Variants in CHD9 observed in about 807,000 individuals in gnomAD.
CHD9 encodes chromodomain helicase DNA binding protein 9.
In CHD9, 77 loss-of-function variants were observed where a neutral mutation model predicts 316.1. The observed-to-expected ratio is 0.24, with a 90% CI of 0.20 to 0.29. The LOEUF (loss-of-function observed/expected upper bound fraction) is 0.29. Among genes scored for constraint, CHD9 ranks in the 10% least tolerant of loss-of-function variants. The probability of loss-of-function intolerance (pLI) is 1.00; values close to 1 mark genes in which losing one functional copy is unlikely to be tolerated. For synonymous variants in CHD9, 1,129 were observed against 1,158.3 expected (o/e 0.97, Z 0.51); for missense variants, 2,763 against 3,438.1 (o/e 0.80, Z 4.91).
rs565950334 is a variant in CHD9 at position 53,205,930 on chromosome 16, C to A, written c.1453-3552C>A. Among the ~76,000 whole-genome samples the A allele has an allele frequency of 1.4e-4, 22 of 152,136 alleles. No homozygotes were observed. The South Asian group carries it at 4.6e-3, about 32-fold the overall frequency. On this transcript the variant is annotated intron_variant, in intron 2 of 38. Coordinates refer to ENST00000447540, the MANE Select transcript of CHD9 (RefSeq NM_001308319.2). ...TTATACACACATACACATTCTTTCT[C>A]AACTAGGTTTCCTATTTCTTTTACT...
chr16:53,297,199 G>A (rs376387402), intron 30 of CHD9, 41 bp downstream of exon 30: 4 of 1,470,146 alleles, frequency 2.7e-6, no homozygotes, highest in African/African-American at 2.8e-5. Flanking sequence ...GGTCAAAGAA[G>A]CAAAAATCAC....
intron 1 of CHD9, among the ~76,000 whole-genome samples, chr16:53,114,641 G>A (rs2038140850): frequency 6.6e-6 from 1 of 152,158 alleles, no homozygotes; most frequent in African/African-American, 2.4e-5. Context: ...AGGCTGGAGT[G>A]CAGTGGCGCA....
At chr16:53,281,974 A>T (rs1367343234) in intron 24 of CHD9, among the ~76,000 whole-genome samples, 1 of 152,158 alleles carries the variant, frequency 6.6e-6, no homozygotes, top group Non-Finnish European at 1.5e-5. Context: ...TTCTTTCATT[A>T]CAATTTAAGC....
chr16:53,290,384 C>T (rs2153050800), intron 27 of CHD9, among the ~76,000 whole-genome samples: 1 of 152,280 alleles, frequency 6.6e-6, no homozygotes, highest in South Asian at 2.1e-4. Context: ...TTTTCCTCTA[C>T]AGTGTCTCTC....
At chr16:53,128,841 G>A (rs1323340035) in intron 1 of CHD9, among the ~76,000 whole-genome samples, 1 of 152,088 alleles carries the variant, frequency 6.6e-6, no homozygotes, top group Non-Finnish European at 1.5e-5. Context: ...GAACCCCACA[G>A]AAAATCTTTC....
intron 3 of CHD9, 80 bp downstream of exon 3, chr16:53,209,893 T>A (rs2046190978): frequency 2.0e-6 from 2 of 1,008,464 alleles, no homozygotes; most frequent in Non-Finnish European, 1.4e-6. Flanking sequence ...ACTTTTGATT[T>A]GAGTATATTT....
intron 1 of CHD9, among the ~76,000 whole-genome samples, chr16:53,077,745 A>G (rs1170902493): frequency 2.6e-5 from 4 of 152,176 alleles, no homozygotes; most frequent in Non-Finnish European, 4.4e-5. Flanking sequence ...TTTTTGAGGT[A>G]AAACATTTGA....
At chr16:53,280,375 A>C (rs1402077141) in intron 24 of CHD9, among the ~76,000 whole-genome samples, 2 of 152,214 alleles carry the variant, frequency 1.3e-5, no homozygotes, top group African/African-American at 2.4e-5. Context: ...TGGCATTTGC[A>C]GCAACCTTGG....
intron 37 of CHD9, among the ~76,000 whole-genome samples, chr16:53,320,958 G>A (rs1017771105): frequency 1.3e-5 from 2 of 151,962 alleles, no homozygotes; most frequent in Non-Finnish European, 2.9e-5. Context: ...CAGTTTCTTC[G>A]TTTGAAAAAT....
chr16:53,320,960 T>C (rs982171219), intron 37 of CHD9, among the ~76,000 whole-genome samples: 1 of 152,252 alleles, frequency 6.6e-6, no homozygotes, highest in African/African-American at 2.4e-5. Flanking sequence ...GTTTCTTCGT[T>C]TGAAAAATAG....
intron 1 of CHD9, among the ~76,000 whole-genome samples, chr16:53,085,145 C>G (rs1278512779): frequency 6.6e-6 from 1 of 152,128 alleles, no homozygotes; most frequent in East Asian, 1.9e-4. Flanking sequence ...TCAGCTAGAG[C>G]CAGAAGTGAG....
chr16:53,209,184 A>T (rs1404101093), intron 2 of CHD9, among the ~76,000 whole-genome samples: 6 of 152,218 alleles, frequency 3.9e-5, no homozygotes, highest in African/African-American at 1.4e-4. Context: ...ATGGGATAAA[A>T]TTTGAATCAA....
At chr16:53,120,307 A>G (rs965175636) in intron 1 of CHD9, among the ~76,000 whole-genome samples, 1 of 152,180 alleles carries the variant, frequency 6.6e-6, no homozygotes, top group African/African-American at 2.4e-5. Context: ...AAATGCCTGT[A>G]ATGCCTATAA....
chr16:53,285,759 C>T, intron 25 of CHD9, 60 bp downstream of exon 25: 1 of 864,630 alleles, frequency 1.2e-6, no homozygotes, highest in Non-Finnish European at 1.8e-6. Flanking sequence ...TCTGTCAGTT[C>T]TCAGTTCATT....
chr16:53,271,137 T>C (rs918398025), intron 22 of CHD9, among the ~76,000 whole-genome samples: 2 of 151,450 alleles, frequency 1.3e-5, no homozygotes, highest in Non-Finnish European at 2.9e-5. Context: ...CCAGTTACCC[T>C]TCAGTGAGCC....
intron 3 of CHD9, among the ~76,000 whole-genome samples, chr16:53,216,961 T>C (rs1205901898): frequency 6.6e-6 from 1 of 152,174 alleles, no homozygotes; most frequent in Non-Finnish European, 1.5e-5. Flanking sequence ...GTTAACATCT[T>C]ATGAACCATA....
intron 3 of CHD9, among the ~76,000 whole-genome samples, chr16:53,212,777 G>C (rs1030191873): frequency 6.6e-6 from 1 of 152,140 alleles, no homozygotes; most frequent in Non-Finnish European, 1.5e-5. Flanking sequence ...CTTACAAGCA[G>C]TGTAATCCTG....
At chr16:53,195,164 C>A (rs1401612956) in intron 2 of CHD9, among the ~76,000 whole-genome samples, 1 of 152,070 alleles carries the variant, frequency 6.6e-6, no homozygotes, top group African/African-American at 2.4e-5. Context: ...AGTATCCAGA[C>A]CAAGAAATAA....
intron 15 of CHD9, among the ~76,000 whole-genome samples, chr16:53,246,085 GTCCTCTTGTTTAA>G (rs2152957169): frequency 6.6e-6 from 1 of 152,280 alleles, no homozygotes; most frequent in African/African-American, 2.4e-5. Context: ...ACTAGAATTT[GTCCTCTTGTTTAA>G]TCCTCCTCAT....
Sources: allele counts gnomAD v4.1 joint callset (sites outside exome capture counted in the v4.1 genomes callset), GRCh38; gene constraint gnomAD v4.1.1; transcripts MANE v1.5; gene names NCBI Gene and HGNC (gene_info 2026-07-23, HGNC 2026-07-21).